HDC: variants seen among roughly 807,000 people sequenced by gnomAD.
HDC encodes histidine decarboxylase.
In HDC, 27 loss-of-function variants were observed where a neutral mutation model predicts 64.4. The observed-to-expected ratio is 0.42, with a 90% CI of 0.31 to 0.58. HDC has a LOEUF of 0.58. Ranked by LOEUF, HDC falls within the 20% of genes least tolerant of loss-of-function variation. The probability of loss-of-function intolerance (pLI) is 0.16; values close to 1 mark genes in which losing one functional copy is unlikely to be tolerated. For synonymous variants in HDC, 305 were observed against 314.2 expected, an observed-to-expected ratio of 0.97 and a Z score of 0.31; for missense variants, 711 against 833.9, an observed-to-expected ratio of 0.85 and a Z score of 1.81.
chr15:50,242,409 T>C lies in HDC; in HGVS notation c.1840A>G (p.Ile614Val). The stretch of plus-strand genomic sequence containing the variant: ...ATGTCTTCTGGAAACCTGGAAAAGA[T>C]TCTGACCCTGGAGGAGCCCCCATTC... ...VKNGGSSRVR[I>V]FSRFPEDMMM... is the part of the protein sequence containing the mutation. Residue 614 changes from isoleucine (I) to valine (V), a missense_variant, in exon 12 of 12, where the codon ATC becomes GTC. Physicochemically the swap from Ile to Val is conservative, Grantham distance 29 (BLOSUM62 3). Coordinates refer to ENST00000267845, the MANE Select transcript of HDC (RefSeq NM_002112.4). 6.2e-7 allele frequency: 1 copy of C among 1,614,184 alleles called. No homozygotes were observed. The highest frequency in any genetic ancestry group is 8.5e-7 in the Non-Finnish European group (1 of 1,180,030).
rs1397625571 is a variant in HDC at position 50,254,676 on chromosome 15, A to G, written c.442-12T>C. The G allele has an allele frequency of 6.2e-7, 1 of 1,613,716 alleles. No individual in the cohort carries two copies. ...TCACTGACCGTGCTCTGCAGGGGAA[A>G]AGGATTATCATGGCAGCCTTTCTGT... On this transcript the variant is annotated splice_polypyrimidine_tract_variant and intron_variant, in intron 4 of 11. Coordinates refer to ENST00000267845, the MANE Select transcript of HDC (RefSeq NM_002112.4).
At chr15:50,262,810 T>C (rs2045721022) in intron 2 of HDC, among the ~76,000 whole-genome samples, 1 of 152,136 alleles carries the variant, frequency 6.6e-6, no homozygotes, top group Non-Finnish European at 1.5e-5. Context: ...TCTCAGACAC[T>C]GTACAGAAGA....
Position 50,263,219 on chromosome 15 carries a change from G to A in HDC, c.204+16C>T, listed in dbSNP as rs745764817. ...CCCTGAAATCCAGAACTGCCCTTGT[G>A]GTCACTGTGTCTCACCCCAGGCATG... is the stretch of plus-strand genomic sequence containing the variant. On this transcript the variant is annotated intron_variant, in intron 2 of 11. Coordinates refer to ENST00000267845, the MANE Select transcript of HDC (RefSeq NM_002112.4). The A allele has an allele frequency of 1.2e-6, 2 of 1,613,534 alleles. No homozygotes were observed. Among genetic ancestry groups the A allele is most frequent in the Non-Finnish European group, 8.5e-7 (1 of 1,179,566 alleles).
intron 7 of HDC, 189 bp from the exon 8 acceptor site, chr15:50,252,963 C>T: frequency 1.6e-6 from 1 of 625,034 alleles, no homozygotes; most frequent in Non-Finnish European, 2.8e-6. Flanking sequence ...ATCATTACCT[C>T]CGAATGGGAA....
intron 4 of HDC, 110 bp from the exon 5 acceptor site, chr15:50,254,774 C>G (rs80072362): frequency 0.21 from 191,167 of 925,518 alleles, 22,289 homozygotes; most frequent in African/African-American, 0.25. Flanking sequence ...CTCTCTCTCT[C>G]TCTGTGTGTG....
intron 2 of HDC, among the ~76,000 whole-genome samples, chr15:50,258,885 G>A (rs947299730): frequency 6.6e-6 from 1 of 152,160 alleles, no homozygotes; most frequent in Non-Finnish European, 1.5e-5. Context: ...GGCAGGCCGG[G>A]TGCGGTGGCT....
chr15:50,252,541 A>G, intron 8 of HDC, 21 bp from the exon 9 acceptor site: 6 of 1,614,156 alleles, frequency 3.7e-6, no homozygotes, highest in Non-Finnish European at 5.1e-6. Context: ...CCAAATGGGC[A>G]TTAGTGGCTG....
In HDC at chr15:50,248,112, G is replaced by C. The variant is rs1214826544; in HGVS notation, c.1140+133C>G. ...CAAAGAGAATCAAGTCCCAGGAGCT[G>C]AGGAACAGGCCCAGACACCTGAACC... On this transcript the variant is annotated intron_variant, in intron 10 of 11. Coordinates refer to ENST00000267845, the MANE Select transcript of HDC (RefSeq NM_002112.4). This position sits in a 1 kb window ranked among gnomAD's most constrained non-coding sequence, Gnocchi z 4.3. The C allele has an allele frequency of 1.4e-6, 1 of 707,064 alleles. No individual in the cohort carries two copies. Among genetic ancestry groups the C allele is most frequent in the East Asian group, 2.7e-5 (1 of 36,592 alleles). 43.8% of individuals were successfully genotyped at this position (707,064 alleles called of 1,614,324 possible).
chr15:50,250,843 A>T (rs765208945), intron 9 of HDC, among the ~76,000 whole-genome samples: 31 of 152,184 alleles, frequency 2.0e-4, no homozygotes, highest in Non-Finnish European at 3.1e-4. Flanking sequence ...TTCTGTCACC[A>T]CCAGTAAGCC....
At chr15:50,265,213 AAAGG>A (rs2045751723) in intron 1 of HDC, among the ~76,000 whole-genome samples, 1 of 152,234 alleles carries the variant, frequency 6.6e-6, no homozygotes, top group South Asian at 2.1e-4. Context: ...GTTAAGAAAG[AAAGG>A]ATTTGCAGTG....
chr15:50,248,410 G>C lies in HDC; in HGVS notation c.1042-67C>G. 1 of 1,120,288 alleles carries C rather than the reference G, an allele frequency of 8.9e-7. No individual in the cohort carries two copies. The highest frequency in any genetic ancestry group is 1.8e-5 in the Admixed American group (1 of 55,978). The allele number at this position is 1,120,288 out of a possible 1,614,324, so 69.4% of individuals were successfully genotyped here. A position where few individuals can be genotyped will look rare whatever the true frequency, so the allele number is the denominator to read the frequency against. On this transcript the variant is annotated intron_variant, in intron 9 of 11. Coordinates refer to ENST00000267845, the MANE Select transcript of HDC (RefSeq NM_002112.4). The surrounding 1 kb of genome is among the most constrained non-coding windows in gnomAD (Gnocchi z 4.3). ...GTGCCCCACTCCCTCGGGCATTTCTGGGCATTATCTGTTGCCTGCCCAGCC... is the reference window on the plus strand; with the variant it reads ...GTGCCCCACTCCCTCGGGCATTTCTCGGCATTATCTGTTGCCTGCCCAGCC...
intron 10 of HDC, among the ~76,000 whole-genome samples, chr15:50,243,820 A>G (rs2045439260): frequency 6.6e-6 from 1 of 152,104 alleles, no homozygotes; most frequent in Admixed American, 6.5e-5. Context: ...TAGAGAACAT[A>G]TTTTCACATC....
intron 9 of HDC, among the ~76,000 whole-genome samples, chr15:50,251,722 C>G (rs140051919): frequency 1.3e-5 from 2 of 152,090 alleles, no homozygotes; most frequent in South Asian, 4.1e-4. Flanking sequence ...GTCCCAGATA[C>G]TTGGAAAGCT....
intron 10 of HDC, chr15:50,245,068 CA>C (rs2045461042): frequency 6.6e-6 from 1 of 152,314 alleles, no homozygotes; most frequent in Non-Finnish European, 1.5e-5. Flanking sequence ...AAGCAGAGGT[CA>C]GGGGAGAGGA....
At chr15:50,257,316 G>C (rs2045644710) in intron 4 of HDC, 109 bp downstream of exon 4, 1 of 1,356,668 alleles carries the variant, frequency 7.4e-7, no homozygotes, top group South Asian at 1.2e-5. Context: ...GACGGTGTGG[G>C]TAATGTGGGG....
rs752158936 is a variant in HDC, at chr15:50,253,519, G to C, written c.787+81C>G. The stretch of plus-strand genomic sequence containing the variant: ...AAAGAGGAACAAGAATAATCCCATA[G>C]AGCTGGTTTCAGGTCCTTGCTTTAG... On this transcript the variant is annotated intron_variant, in intron 7 of 11. Transcript: ENST00000267845. 5 of 1,210,630 alleles carry C rather than the reference G, an allele frequency of 4.1e-6. No individual in the cohort carries two copies. In the South Asian group the frequency reaches 6.0e-5, roughly 15 times the overall value. 75.0% of individuals were successfully genotyped at this position (1,210,630 alleles called of 1,614,324 possible).
At chr15:50,255,541 G>A (rs893205924) in intron 4 of HDC, among the ~76,000 whole-genome samples, 1 of 152,160 alleles carries the variant, frequency 6.6e-6, no homozygotes, top group Non-Finnish European at 1.5e-5. Flanking sequence ...GGGTGCAGTG[G>A]CTCGCACCTG....
Position 50,242,200 on chromosome 15 carries a change from T to G in HDC, c.*60A>C. On this transcript the variant is annotated 3_prime_UTR_variant, in exon 12 of 12. Transcript: ENST00000267845. ...TAAGCACACAAAGTTGGCATACAAT[T>G]GTGAGGGGTTCACAGAGTCCCTGAA... The G allele has an allele frequency of 1.4e-6, 2 of 1,388,488 alleles. No individual in the cohort carries two copies. Among genetic ancestry groups the G allele is most frequent in the Non-Finnish European group, 2.0e-6 (2 of 976,134 alleles). 86.0% of individuals were successfully genotyped at this position (1,388,488 alleles called of 1,614,324 possible).
chr15:50,260,094 T>G (rs952807932), intron 2 of HDC, among the ~76,000 whole-genome samples: 1 of 151,728 alleles, frequency 6.6e-6, no homozygotes, highest in Non-Finnish European at 1.5e-5. Context: ...CCATCTTGGC[T>G]CAGTGCAACC....
Sources: allele counts gnomAD v4.1 joint callset (sites outside exome capture counted in the v4.1 genomes callset), GRCh38; gene constraint gnomAD v4.1.1; non-coding constraint Gnocchi (gnomAD v3.1); transcripts MANE v1.5; gene names NCBI Gene and HGNC (gene_info 2026-07-23, HGNC 2026-07-21).